Variants in KLF17 observed in about 807,000 individuals in gnomAD.
KLF17 encodes Krueppel-like factor 17.
Under a neutral mutation model 34.2 loss-of-function variants are expected in KLF17, and 31 were observed. That is an observed-to-expected ratio of 0.91 (90% CI 0.68 to 1.22). The LOEUF (loss-of-function observed/expected upper bound fraction) is 1.22. Ranked by LOEUF, KLF17 falls within the 50% of genes most tolerant of loss-of-function variation. The probability of loss-of-function intolerance (pLI) is 0.00; values close to 1 mark genes in which losing one functional copy is unlikely to be tolerated. For synonymous variants in KLF17, 179 were observed against 186.7 expected (o/e 0.96, Z 0.34); for missense variants, 478 against 505.2 (o/e 0.95, Z 0.52).
the KLF17 span, among the ~76,000 whole-genome samples, chr1:44,057,262 C>T: frequency 6.6e-6 from 1 of 152,166 alleles, no homozygotes; most frequent in South Asian, 2.1e-4. Flanking sequence ...AAAGACTTAA[C>T]AGTCAATATA....
chr1:44,108,057 C>T, the KLF17 span, among the ~76,000 whole-genome samples: 1 of 152,174 alleles, frequency 6.6e-6, no homozygotes, highest in African/African-American at 2.4e-5. Flanking sequence ...GAGTTGAAGG[C>T]AGTGACTGGA....
At chr1:44,080,040 T>C in the KLF17 span, among the ~76,000 whole-genome samples, 32 of 151,726 alleles carry the variant, frequency 2.1e-4, 1 homozygote, top group South Asian at 4.8e-3. Context: ...GCAATTCTCC[T>C]GTCTCAGCCT....
Position 44,118,919 on chromosome 1 carries a change from A to G in KLF17, c.12A>G (p.Arg4=). Residue 4 remains arginine (R), a synonymous_variant, in exon 1 of 4, where the codon CGA becomes CGG. Coordinates refer to ENST00000372299, the MANE Select transcript of KLF17 (RefSeq NM_173484.4). The stretch of plus-strand genomic sequence containing the variant: ...CCCACCCAGTCTTCATGTACGGCCG[A>G]CCGCAGGCTGAGATGGAACAGGAGG... MYG[R]PQAEMEQEAG... is the part of the protein sequence containing the mutation. The G allele has an allele frequency of 6.2e-7, 1 of 1,612,068 alleles. No individual in the cohort carries two copies. Among genetic ancestry groups the G allele is most frequent in the Non-Finnish European group, 8.5e-7 (1 of 1,179,190 alleles).
intron 1 of KLF17, among the ~76,000 whole-genome samples, chr1:44,126,009 T>G (rs896522373): frequency 1.3e-5 from 2 of 151,884 alleles, no homozygotes; most frequent in Admixed American, 6.6e-5. Context: ...GACAAGGTTT[T>G]TTTTGTTTTG....
the KLF17 span, chr1:44,105,216 C>T: frequency 1.3e-5 from 2 of 152,114 alleles, no homozygotes; most frequent in Non-Finnish European, 2.9e-5. Context: ...TCATGGTTAC[C>T]TCTAGAGATA....
the KLF17 span, among the ~76,000 whole-genome samples, chr1:44,060,754 G>A: frequency 3.7e-4 from 56 of 152,262 alleles, no homozygotes; most frequent in Admixed American, 1.1e-3. Context: ...CACCAATAGC[G>A]GTCAGGCATT....
At position 44,122,331 on chromosome 1, in the gene KLF17, C is replaced by G. The variant is rs187018482; in HGVS notation, c.81+3343C>G. 13 of 1,603,148 alleles carry G rather than the reference C, an allele frequency of 8.1e-6. No individual in the cohort carries two copies. In the African/African-American group the frequency reaches 1.5e-4, roughly 18 times the overall value. On this transcript the variant is annotated intron_variant, in intron 1 of 3. Transcript: ENST00000372299. ...AATAAAATACCGAATGTTATTTCCT[C>G]GAATACTCAGCGTTTCCAGCTGTAC...
intron 1 of KLF17, among the ~76,000 whole-genome samples, chr1:44,125,622 C>A (rs2154311572): frequency 6.6e-6 from 1 of 152,240 alleles, no homozygotes; most frequent in Middle Eastern, 3.4e-3. Context: ...TGCCCGCCAC[C>A]ACACCTGGCT....
chr1:44,103,913 C>T, the KLF17 span: 1 of 829,464 alleles, frequency 1.2e-6, no homozygotes, highest in South Asian at 1.3e-5. Flanking sequence ...GCGCCTGCAG[C>T]TTCTCATACT....
At chr1:44,066,434 T>G in the KLF17 span, among the ~76,000 whole-genome samples, 1 of 149,190 alleles carries the variant, frequency 6.7e-6, no homozygotes, top group Non-Finnish European at 1.5e-5. Flanking sequence ...ATATGTTGCC[T>G]AGGCTGGTCT....
At chr1:44,074,180 C>T in the KLF17 span, among the ~76,000 whole-genome samples, 1 of 152,140 alleles carries the variant, frequency 6.6e-6, no homozygotes, top group South Asian at 2.1e-4. Flanking sequence ...CCCATTTCTG[C>T]TGTCATCCTC....
Position 44,130,191 on chromosome 1 carries a change from A to G in KLF17, c.920A>G (p.His307Arg). 1.2e-6 allele frequency: 2 copies of G among 1,610,104 alleles called. No homozygotes were observed. The highest frequency in any genetic ancestry group is 8.5e-7 in the Non-Finnish European group (1 of 1,177,832). The change falls in exon 2 of 4, where the codon CAC (histidine) becomes CGC (arginine). Residue 307 changes from histidine (H) to arginine (R), a missense_variant. Physicochemically the swap from His to Arg is conservative, Grantham distance 29. Coordinates refer to ENST00000372299, the MANE Select transcript of KLF17 (RefSeq NM_173484.4). Reference protein sequence around the residue: ...RSHLVSHQRKHTGERPYSCNW... With the variant: ...RSHLVSHQRKRTGERPYSCNW... ...CACCTCGTGAGCCACCAGCGCAAGC[A>G]CACAGGTGAAGGAGGTGTCAGGTGG...
At chr1:44,108,958 C>A in the KLF17 span, among the ~76,000 whole-genome samples, 461 of 152,266 alleles carry the variant, frequency 3.0e-3, 5 homozygotes, top group African/African-American at 0.01. Context: ...TGAGCCACCG[C>A]ACCCAGCCTG....
chr1:44,056,184 C>T, the KLF17 span, among the ~76,000 whole-genome samples: 1 of 152,150 alleles, frequency 6.6e-6, no homozygotes, highest in Non-Finnish European at 1.5e-5. Flanking sequence ...TAATGGATCC[C>T]TCTTGCAATA....
chr1:44,121,045 G>GT (rs1377643772), intron 1 of KLF17, among the ~76,000 whole-genome samples: 28 of 152,070 alleles, frequency 1.8e-4, no homozygotes, highest in East Asian at 7.7e-4. Flanking sequence ...CTCTTCTAGA[G>GT]TTTTTTTTAA....
the KLF17 span, among the ~76,000 whole-genome samples, chr1:44,089,450 T>C: frequency 3.9e-5 from 6 of 152,168 alleles, no homozygotes; most frequent in Non-Finnish European, 8.8e-5. Flanking sequence ...GCTGGGCCTT[T>C]CTACCAGCTA....
chr1:44,107,407 G>A, the KLF17 span, among the ~76,000 whole-genome samples: 1 of 152,146 alleles, frequency 6.6e-6, no homozygotes, highest in Non-Finnish European at 1.5e-5. Flanking sequence ...GCCTGGCTGA[G>A]ACTGGAGTTT....
At chr1:44,078,748 T>G in the KLF17 span, among the ~76,000 whole-genome samples, 3 of 152,264 alleles carry the variant, frequency 2.0e-5, no homozygotes, top group East Asian at 5.8e-4. Context: ...TTTTCCTTCT[T>G]GTTCCACTGG....
At chr1:44,053,583 A>T in the KLF17 span, among the ~76,000 whole-genome samples, 1 of 152,248 alleles carries the variant, frequency 6.6e-6, no homozygotes, top group East Asian at 1.9e-4. Flanking sequence ...CCCAACCAGT[A>T]CTACCAGGAG....
Sources: allele counts gnomAD v4.1 joint callset (sites outside exome capture counted in the v4.1 genomes callset), GRCh38; gene constraint gnomAD v4.1.1; transcripts MANE v1.5; gene names NCBI Gene and HGNC (gene_info 2026-07-23, HGNC 2026-07-21).